Variants in VWA8 observed in about 807,000 individuals in gnomAD.
VWA8 encodes the protein von Willebrand factor A domain-containing protein 8.
VWA8 carries 221 observed loss-of-function variants against 241.5 expected under a neutral mutation model. That is an observed-to-expected ratio of 0.91 (90% CI 0.82 to 1.02). The LOEUF is 1.02. Ranked by LOEUF, VWA8 falls within the 50% of genes least tolerant of loss-of-function variation. The pLI is 0.00. For synonymous variants in VWA8, 852 were observed against 827.1 expected, an observed-to-expected ratio of 1.03 and a Z score of -0.52; for missense variants, 2,322 against 2,328.7, an observed-to-expected ratio of 1.00 and a Z score of 0.06.
rs1161262770 is a variant in VWA8, at chr13:41,729,795, G to A, written c.2503-118C>T. The A allele has an allele frequency of 5.2e-4, 250 of 484,272 alleles. 1 individual carries two copies. The highest frequency in any genetic ancestry group is 6.0e-4 in the Non-Finnish European group (171 of 284,730). The allele number at this position is 484,272 out of a possible 1,614,324, so 30.0% of individuals were successfully genotyped here. The stretch of plus-strand genomic sequence containing the variant: ...CTTTATTTAAGTTACAAGTATACAC[G>A]TAGACACACACACACACACACACAC... On this transcript the variant is annotated intron_variant, in intron 22 of 44. Coordinates refer to ENST00000379310, the MANE Select transcript of VWA8 (RefSeq NM_015058.2).
rs572118320 is a variant in VWA8 at position 41,624,230 on chromosome 13, A to T, written c.4612-9146T>A. On this transcript the variant is annotated intron_variant, in intron 37 of 44. Transcript: ENST00000379310. Reference sequence around the variant, plus strand: ...CTGGACCAGATGGATTCACAGCTGAATTCTGCCAAATGTGTAAAGAAGAGC... The same window carrying T: ...CTGGACCAGATGGATTCACAGCTGATTTCTGCCAAATGTGTAAAGAAGAGC... Among the ~76,000 whole-genome samples the T allele has an allele frequency of 5.3e-5, 8 of 152,304 alleles. No individual in the cohort carries two copies. In the South Asian group the frequency reaches 1.7e-3, roughly 32 times the overall value.
chr13:41,929,931 A>G (rs558098193), intron 2 of VWA8, among the ~76,000 whole-genome samples: 117 of 151,898 alleles, frequency 7.7e-4, no homozygotes, highest in African/African-American at 2.8e-3. Flanking sequence ...GAAAACAATC[A>G]ACAAAATGAA....
intron 9 of VWA8, among the ~76,000 whole-genome samples, chr13:41,876,078 C>A (rs1258257979): frequency 1.3e-5 from 2 of 152,048 alleles, no homozygotes; most frequent in East Asian, 3.8e-4. Context: ...CAAAACATAA[C>A]CCAAATCCAA....
At chr13:41,720,405 T>C (rs1367113854) in intron 25 of VWA8, among the ~76,000 whole-genome samples, 3 of 152,264 alleles carry the variant, frequency 2.0e-5, no homozygotes, top group African/African-American at 2.4e-5. Context: ...TTTCTTTCCA[T>C]ATATTTTTAA....
intron 21 of VWA8, among the ~76,000 whole-genome samples, chr13:41,736,563 T>C (rs1227358257): frequency 6.6e-6 from 1 of 152,190 alleles, no homozygotes; most frequent in Non-Finnish European, 1.5e-5. Context: ...TAGCGATGTT[T>C]ACTTTAAGGA....
chr13:41,633,223 G>C (rs191430688), intron 37 of VWA8, among the ~76,000 whole-genome samples: 136 of 152,326 alleles, frequency 8.9e-4, no homozygotes, highest in Non-Finnish European at 1.9e-4. Flanking sequence ...CAATGAATCA[G>C]TGGTATGGGG....
chr13:41,677,578 C>T (rs953212856), intron 35 of VWA8, among the ~76,000 whole-genome samples: 2 of 152,104 alleles, frequency 1.3e-5, no homozygotes, highest in African/African-American at 4.8e-5. Context: ...TATGCTCTGG[C>T]CACCACTCCA....
chr13:41,886,132 C>G, intron 7 of VWA8, 104 bp from the exon 8 acceptor site: 3 of 764,870 alleles, frequency 3.9e-6, no homozygotes, highest in Non-Finnish European at 2.1e-6. Flanking sequence ...AAAAAAGATC[C>G]CTAATATTAA....
chr13:41,626,055 G>T, intron 37 of VWA8, among the ~76,000 whole-genome samples: 1 of 137,982 alleles, frequency 7.2e-6, no homozygotes, highest in South Asian at 2.5e-4. Flanking sequence ...ACACAGGAAG[G>T]GGAACATCAC....
intron 37 of VWA8, among the ~76,000 whole-genome samples, chr13:41,662,539 T>C (rs928058790): frequency 6.6e-6 from 1 of 150,572 alleles, no homozygotes; most frequent in African/African-American, 2.4e-5. Context: ...GTTTGTTTTG[T>C]CTTTTTTTTT....
chr13:41,605,114 A>C (rs2044544567), intron 40 of VWA8, 54 bp downstream of exon 40: 1 of 1,551,666 alleles, frequency 6.4e-7, no homozygotes, highest in African/African-American at 1.4e-5. Flanking sequence ...GACTTTAGGA[A>C]TGTGTCCAGG....
chr13:41,675,897 G>C (rs1012589550), intron 35 of VWA8, among the ~76,000 whole-genome samples: 1 of 152,116 alleles, frequency 6.6e-6, no homozygotes, highest in African/African-American at 2.4e-5. Flanking sequence ...TCATCACACA[G>C]TATCTGTCAT....
At chr13:41,621,633 T>C (rs147612904) in intron 37 of VWA8, among the ~76,000 whole-genome samples, 1 of 152,306 alleles carries the variant, frequency 6.6e-6, no homozygotes, top group East Asian at 1.9e-4. Context: ...TCATCAAATA[T>C]TATCTCCCTA....
Position 41,689,432 on chromosome 13 carries a change from T to C in VWA8, c.4053A>G (p.Gln1351=), listed in dbSNP as rs760169564. The C allele has an allele frequency of 1.4e-5, 23 of 1,612,224 alleles. No individual in the cohort carries two copies. Among genetic ancestry groups the C allele is most frequent in the Non-Finnish European group, 1.8e-5 (21 of 1,179,178 alleles). ...SSEHLSSAVE[Q]KIASPNRILS... ...GAATTCTGTTGGGAGAGGCAATCTT[T>C]TGTTCCACAGCTGAACTTAGATGTT... The change falls in exon 34 of 45, where the codon CAA becomes CAG. Residue 1351 remains glutamine, a synonymous_variant. Coordinates refer to ENST00000379310, the MANE Select transcript of VWA8 (RefSeq NM_015058.2).
In VWA8 at chr13:41,614,957, G is replaced by C. The variant is rs1022304303; in HGVS notation, c.4720+19C>G. 6.2e-7 allele frequency: 1 copy of C among 1,611,784 alleles called. No individual in the cohort carries two copies. Among genetic ancestry groups the C allele is most frequent in the Non-Finnish European group, 8.5e-7 (1 of 1,179,400 alleles). The stretch of plus-strand genomic sequence containing the variant: ...AAACCTGGGGAAGGCTGACTCAGGA[G>C]AATGCCTGTGCTACCAACCTGTTCC... On this transcript the variant is annotated intron_variant, in intron 38 of 44. Transcript: ENST00000379310.
chr13:41,907,860 T>G (rs1875800619), intron 3 of VWA8, among the ~76,000 whole-genome samples, 164 bp from the exon 4 acceptor site: 1 of 152,192 alleles, frequency 6.6e-6, no homozygotes, highest in African/African-American at 2.4e-5. Flanking sequence ...AGAAATAAAT[T>G]GAACTTTAAT....
chr13:41,763,737 G>A (rs1373298745), intron 20 of VWA8, among the ~76,000 whole-genome samples: 1 of 152,140 alleles, frequency 6.6e-6, no homozygotes, highest in African/African-American at 2.4e-5. Flanking sequence ...GAAATACAAA[G>A]GATTTCCTGG....
At chr13:41,947,311 T>A (rs1052515275) in intron 2 of VWA8, among the ~76,000 whole-genome samples, 2 of 152,160 alleles carry the variant, frequency 1.3e-5, no homozygotes, top group African/African-American at 4.8e-5. Flanking sequence ...TCATGACCAA[T>A]GACTGGAACA....
At chr13:41,610,991 T>A (rs9594586) in intron 39 of VWA8, among the ~76,000 whole-genome samples, 2,249 of 152,284 alleles carry the variant, frequency 0.015, 61 homozygotes, top group African/African-American at 0.051. Context: ...GTACCCATTA[T>A]CCTGAGTGGG....
Sources: allele counts gnomAD v4.1 joint callset (sites outside exome capture counted in the v4.1 genomes callset), GRCh38; gene constraint gnomAD v4.1.1; transcripts MANE v1.5; gene names NCBI Gene and HGNC (gene_info 2026-07-23, HGNC 2026-07-21).